Variants in UAP1 observed in about 807,000 individuals in gnomAD.
UAP1 encodes the protein UDP-N-acetylhexosamine pyrophosphorylase.
A neutral mutation model predicts 58.5 loss-of-function variants in UAP1; 25 were observed. The ratio of observed to expected loss-of-function variants is 0.43; its 90% confidence interval spans 0.31 to 0.60. The LOEUF is 0.60. Ranked by LOEUF, UAP1 falls within the 20% of genes least tolerant of loss-of-function variation. The pLI is 0.11. For missense variants in UAP1, 575 were observed against 630.0 expected, an observed-to-expected ratio of 0.91 and a Z score of 0.93; for synonymous variants, 208 against 213.0, an observed-to-expected ratio of 0.98 and a Z score of 0.21.
At chr1:162,584,843 A>G (rs1654809441) in intron 5 of UAP1, among the ~76,000 whole-genome samples, 1 of 152,228 alleles carries the variant, frequency 6.6e-6, no homozygotes, top group African/African-American at 2.4e-5. Context: ...AGTGAAGAAC[A>G]TGAGAAAAGA....
intron 9 of UAP1, among the ~76,000 whole-genome samples, chr1:162,594,490 G>A (rs1346131274): frequency 2.6e-5 from 4 of 152,138 alleles, no homozygotes; most frequent in African/African-American, 9.7e-5. Context: ...GAGTAGTACC[G>A]GTCCATGGCC....
At chr1:162,577,812 A>G (rs923248931) in intron 3 of UAP1, among the ~76,000 whole-genome samples, 1 of 151,766 alleles carries the variant, frequency 6.6e-6, no homozygotes, top group African/African-American at 2.4e-5. Context: ...GAGTTTCACC[A>G]TGTTGGTCAA....
chr1:162,569,393 A>G (rs950484838), intron 2 of UAP1, among the ~76,000 whole-genome samples: 1 of 152,218 alleles, frequency 6.6e-6, no homozygotes, highest in African/African-American at 2.4e-5. Context: ...GGTCGAATAT[A>G]AGTGACCACT....
intron 2 of UAP1, among the ~76,000 whole-genome samples, chr1:162,573,382 A>G (rs12130399): frequency 0.44 from 66,381 of 151,852 alleles, 16,058 homozygotes; most frequent in Non-Finnish European, 0.54. Flanking sequence ...CCTGGGCGAG[A>G]CTCTTAACTT....
At chr1:162,573,159 C>T (rs1653971258) in intron 2 of UAP1, among the ~76,000 whole-genome samples, 1 of 152,112 alleles carries the variant, frequency 6.6e-6, no homozygotes, top group Admixed American at 6.6e-5. Flanking sequence ...GCTTAAGGCA[C>T]ATACAAACTC....
intron 5 of UAP1, 24 bp downstream of exon 5, chr1:162,581,483 G>A (rs372486792): frequency 6.2e-7 from 1 of 1,603,776 alleles, no homozygotes; most frequent in Non-Finnish European, 8.5e-7. Flanking sequence ...CAACTATGGT[G>A]AGGCTTTTGA....
chr1:162,586,821 T>A (rs1228837225), intron 5 of UAP1, among the ~76,000 whole-genome samples: 1 of 152,218 alleles, frequency 6.6e-6, no homozygotes, highest in East Asian at 1.9e-4. Context: ...TTTTCAGAAT[T>A]ATTTTTTTGA....
Position 162,568,511 on chromosome 1 carries a change from T to C in UAP1, c.280+2163T>C, listed in dbSNP as rs115106857. The stretch of plus-strand genomic sequence containing the variant: ...AAGTTTAAAAACAGTTTGAAAATAA[T>C]TGGATCTTCTTCAAGGAGGTGCTTT... On this transcript the variant is annotated intron_variant, in intron 2 of 10. Transcript: ENST00000271469. Among the ~76,000 whole-genome samples, 415 of 152,342 alleles carry C rather than the reference T, an allele frequency of 2.7e-3. 1 individual carries two copies. Among genetic ancestry groups the C allele is most frequent in the African/African-American group, 9.8e-3 (408 of 41,580 alleles).
intron 10 of UAP1, 93 bp from the exon 11 acceptor site, chr1:162,599,178 G>C: frequency 1.5e-6 from 1 of 681,140 alleles, no homozygotes; most frequent in Non-Finnish European, 2.4e-6. Context: ...ACCTTTTTTG[G>C]CATTTGTGCT....
chr1:162,582,729 G>A (rs544277667), intron 5 of UAP1, among the ~76,000 whole-genome samples: 1 of 152,118 alleles, frequency 6.6e-6, no homozygotes, highest in African/African-American at 2.4e-5. Context: ...AAACAAATTC[G>A]ATTTCAAATT....
At chr1:162,580,926 G>A (rs151013350) in intron 4 of UAP1, among the ~76,000 whole-genome samples, 65 of 152,174 alleles carry the variant, frequency 4.3e-4, no homozygotes, top group Non-Finnish European at 4.3e-4. Flanking sequence ...GAGCTAACTT[G>A]AATCATACAA....
At chr1:162,594,988 A>C (rs1045469127) in intron 9 of UAP1, among the ~76,000 whole-genome samples, 3 of 152,240 alleles carry the variant, frequency 2.0e-5, no homozygotes, top group Non-Finnish European at 4.4e-5. Flanking sequence ...AGAGGGAAGA[A>C]GCAACTAGGA....
intron 3 of UAP1, 30 bp from the exon 4 acceptor site, chr1:162,579,391 GCACGGTT>G: frequency 7.0e-7 from 1 of 1,428,652 alleles, no homozygotes; most frequent in Non-Finnish European, 9.2e-7. Flanking sequence ...AGTCCACCTA[GCACGGTT>G]GCTTAGAAGA....
At chr1:162,590,465 G>T in exon 8 of UAP1, 1 of 1,607,986 alleles carries the variant, frequency 6.2e-7, no homozygotes. Flanking sequence ...CAATGCAGGG[G>T]GCCATTTCAT....
chr1:162,596,112 C>G (rs1315685076), intron 9 of UAP1, among the ~76,000 whole-genome samples: 3 of 151,992 alleles, frequency 2.0e-5, no homozygotes, highest in African/African-American at 7.3e-5. Context: ...CTTGGCCTCT[C>G]AAAGTGCTGA....
rs751197837 is a variant in UAP1, at chr1:162,597,774, A to G, written c.1410-18A>G. On this transcript the variant is annotated intron_variant, in intron 9 of 10. Transcript: ENST00000271469. ...ATGGGAAGCAAAGTCTTTAACACAT[A>G]CTTGTTTTTTTTCTTAGCTTGAAGG... 2.8e-5 allele frequency: 45 copies of G among 1,609,882 alleles called. No homozygotes were observed. The Admixed American group carries it at 6.9e-4, about 25-fold the overall frequency.
rs754634378 is a variant in UAP1 at position 162,597,775 on chromosome 1, C to A, written c.1410-17C>A. ...TGGGAAGCAAAGTCTTTAACACATA[C>A]TTGTTTTTTTTCTTAGCTTGAAGGA... On this transcript the variant is annotated splice_polypyrimidine_tract_variant and intron_variant, in intron 9 of 10. Transcript: ENST00000271469. 6.2e-7 allele frequency: 1 copy of A among 1,610,212 alleles called. No homozygotes were observed. The highest frequency in any genetic ancestry group is 1.1e-5 in the South Asian group (1 of 90,378).
chr1:162,564,173 A>G (rs769973612), intron 1 of UAP1, among the ~76,000 whole-genome samples: 3 of 152,196 alleles, frequency 2.0e-5, no homozygotes, highest in Admixed American at 6.5e-5. Context: ...ATGCCTTTTA[A>G]TACCATAATG....
intron 9 of UAP1, among the ~76,000 whole-genome samples, chr1:162,595,755 G>T (rs1224277282): frequency 6.6e-6 from 1 of 152,144 alleles, no homozygotes; most frequent in Non-Finnish European, 1.5e-5. Context: ...ACATTTTCAG[G>T]CAGTATGTGA....
Sources: allele counts gnomAD v4.1 joint callset (sites outside exome capture counted in the v4.1 genomes callset), GRCh38; gene constraint gnomAD v4.1.1; transcripts MANE v1.5; gene names NCBI Gene and HGNC (gene_info 2026-07-23, HGNC 2026-07-21).